The following WDFY4 variants were observed in gnomAD, a reference collection of about 807,000 sequenced individuals.
WDFY4 encodes WD repeat- and FYVE domain-containing protein 4.
WDFY4 carries 169 observed loss-of-function variants against 351.9 expected under a neutral mutation model. The ratio of observed to expected loss-of-function variants is 0.48; its 90% CI spans 0.42 to 0.55. The LOEUF is 0.55. Ranked by LOEUF, WDFY4 falls within the 20% of genes least tolerant of loss-of-function variation. WDFY4 has a pLI of 0.00. For missense variants in WDFY4, 3,803 were observed against 3,935.6 expected (o/e 0.97, Z 0.90); for synonymous variants, 1,622 against 1,574.6 (o/e 1.03, Z -0.71).
At chr10:48,907,227 G>A (rs1226303309) in intron 47 of WDFY4, among the ~76,000 whole-genome samples, 1 of 152,164 alleles carries the variant, frequency 6.6e-6, no homozygotes, top group African/African-American at 2.4e-5. Context: ...AGAAAACTCA[G>A]AGAAATACAA....
chr10:48,738,259 C>T (rs993615688), intron 11 of WDFY4, among the ~76,000 whole-genome samples: 8 of 152,124 alleles, frequency 5.3e-5, no homozygotes, highest in Non-Finnish European at 1.0e-4. Context: ...ATAGAAAGTT[C>T]CTTTTGTTTA....
chr10:48,921,257 G>A (rs182755774), intron 47 of WDFY4, among the ~76,000 whole-genome samples: 26 of 152,136 alleles, frequency 1.7e-4, no homozygotes, highest in African/African-American at 6.3e-4. Context: ...ATTGGTGATG[G>A]GACAGGTAGA....
At chr10:48,864,655 T>C (rs928173394) in intron 39 of WDFY4, among the ~76,000 whole-genome samples, 11 of 152,242 alleles carry the variant, frequency 7.2e-5, no homozygotes, top group Admixed American at 7.2e-4. Context: ...TTGTTAATTC[T>C]GTAGATTATG....
At chr10:48,759,170 C>T (rs916718501) in intron 12 of WDFY4, among the ~76,000 whole-genome samples, 14 of 152,206 alleles carry the variant, frequency 9.2e-5, no homozygotes, top group African/African-American at 2.6e-4. Context: ...ATTTGATGTG[C>T]GCTCACTTGC....
rs1203085558 is a variant in WDFY4 at position 48,946,861 on chromosome 10, A to G, written c.7869A>G (p.Gly2623=). ...CTCAAGCATGTGTTTTTGTTGCAGG[A>G]GACATGACTGTCCAGTGCCACTACT... ...QRFKEVEKTE[G]DMTVQCHYYT... is the part of the protein sequence containing the mutation. Residue 2623 remains glycine (G), a splice_region_variant and synonymous_variant, in exon 51 of 62, where the codon GGA becomes GGG. Transcript: ENST00000325239. The G allele has an allele frequency of 6.4e-7, 1 of 1,551,754 alleles. No homozygotes were observed. Among genetic ancestry groups the G allele is most frequent in the East Asian group, 2.4e-5 (1 of 40,922 alleles).
At chr10:48,941,710 C>A in intron 47 of WDFY4, 96 bp from the exon 48 acceptor site, 1 of 1,294,742 alleles carries the variant, frequency 7.7e-7, no homozygotes, top group Non-Finnish European at 1.1e-6. Flanking sequence ...TTCCTGAACA[C>A]CCTGGTCCCG....
chr10:48,903,546 G>T (rs980775945), intron 47 of WDFY4, among the ~76,000 whole-genome samples: 2 of 152,200 alleles, frequency 1.3e-5, no homozygotes, highest in African/African-American at 4.8e-5. Context: ...ACATTTGATG[G>T]GATCTGATGA....
At chr10:48,910,214 T>G in intron 47 of WDFY4, 1 of 1,567,594 alleles carries the variant, frequency 6.4e-7, no homozygotes, top group Non-Finnish European at 8.8e-7. Flanking sequence ...CTGAGTAGTC[T>G]TCAAGATTTT....
intron 1 of WDFY4, among the ~76,000 whole-genome samples, chr10:48,703,201 C>T (rs1300626869): frequency 2.0e-5 from 3 of 151,700 alleles, no homozygotes; most frequent in African/African-American, 7.3e-5. Flanking sequence ...TATTTTGGAG[C>T]GCTCTAGATT....
chr10:48,850,933 G>A (rs920899122), intron 39 of WDFY4, among the ~76,000 whole-genome samples: 55 of 152,316 alleles, frequency 3.6e-4, no homozygotes, highest in African/African-American at 1.3e-3. Flanking sequence ...CCAGCACATT[G>A]TATATTCTGT....
At chr10:48,916,625 G>C (rs909643582) in intron 47 of WDFY4, among the ~76,000 whole-genome samples, 1 of 152,212 alleles carries the variant, frequency 6.6e-6, no homozygotes, top group Non-Finnish European at 1.5e-5. Flanking sequence ...AGACCAAAAA[G>C]TCGGGGGAGA....
intron 24 of WDFY4, among the ~76,000 whole-genome samples, chr10:48,796,698 C>A (rs2066887526): frequency 6.6e-6 from 1 of 152,176 alleles, no homozygotes; most frequent in Non-Finnish European, 1.5e-5. Context: ...GAAGTGGAGA[C>A]CTTCATCTCC....
chr10:48,722,115 T>G (rs1181543936), intron 4 of WDFY4, among the ~76,000 whole-genome samples: 1 of 152,180 alleles, frequency 6.6e-6, no homozygotes, highest in African/African-American at 2.4e-5. Context: ...GATGGGCATT[T>G]GCAGCCGTGC....
chr10:48,919,389 G>A (rs907610623), intron 47 of WDFY4, among the ~76,000 whole-genome samples: 12 of 152,130 alleles, frequency 7.9e-5, no homozygotes, highest in Admixed American at 1.3e-4. Flanking sequence ...TGGAATTCAC[G>A]GTTGAAACCC....
chr10:48,943,432 G>A lies in WDFY4; in HGVS notation c.7732G>A (p.Ala2578Thr), dbSNP rs1382032378. The part of the protein sequence containing the change: ...MQYPVFPWVL[A>T]DYTSETLNLA... ...GTACCCAGTGTTCCCCTGGGTCCTC[G>A]CAGACTACACCTCAGAGGTAAGTTC... Residue 2578 changes from alanine (A) to threonine (T), a missense_variant, in exon 49 of 62, where the codon GCA (alanine) becomes ACA (threonine). Physicochemically the swap from Ala to Thr is moderately conservative, Grantham distance 58. Around this residue, in one of 3 missense-constraint regions of WDFY4, gnomAD observed 3,054 missense variants for 3,148.6 expected, o/e 0.97. Transcript: ENST00000325239. The A allele has an allele frequency of 1.9e-6, 3 of 1,551,692 alleles. No individual in the cohort carries two copies. Among genetic ancestry groups the A allele is most frequent in the Non-Finnish European group, 2.6e-6 (3 of 1,146,984 alleles).
At chr10:48,882,688 A>T (rs2070302098) in intron 43 of WDFY4, among the ~76,000 whole-genome samples, 1 of 152,078 alleles carries the variant, frequency 6.6e-6, no homozygotes, top group Admixed American at 6.5e-5. Flanking sequence ...AGCAAGAGAG[A>T]GAGGGAGGAG....
At chr10:48,879,784 G>T (rs1180411366) in intron 43 of WDFY4, among the ~76,000 whole-genome samples, 1 of 152,082 alleles carries the variant, frequency 6.6e-6, no homozygotes, top group Non-Finnish European at 1.5e-5. Context: ...GTTTCTTGGG[G>T]TGCCCACCTC....
chr10:48,918,770 C>T (rs1246240216), intron 47 of WDFY4, among the ~76,000 whole-genome samples: 4 of 152,112 alleles, frequency 2.6e-5, no homozygotes, highest in Non-Finnish European at 4.4e-5. Context: ...GGTGACAGGG[C>T]TTGGGGGAAG....
At chr10:48,943,553 A>G (rs567714583) in intron 49 of WDFY4, 104 bp downstream of exon 49, 2 of 1,258,604 alleles carry the variant, frequency 1.6e-6, no homozygotes, top group South Asian at 1.7e-5. Context: ...GTTCCGTCAC[A>G]TGAACCTGGG....
Sources: allele counts gnomAD v4.1 joint callset (sites outside exome capture counted in the v4.1 genomes callset), GRCh38; gene constraint gnomAD v4.1.1; regional missense constraint gnomAD v4.1.1; transcripts MANE v1.5; gene names NCBI Gene and HGNC (gene_info 2026-07-23, HGNC 2026-07-21).